The following CACNA2D1 variants were observed in gnomAD, a reference collection of about 807,000 sequenced individuals.
CACNA2D1 encodes the protein voltage-dependent calcium channel subunit alpha-2/delta-1.
CACNA2D1 carries 53 observed loss-of-function variants against 171.5 expected under a neutral mutation model. That is an observed-to-expected ratio of 0.31 (90% CI 0.25 to 0.39). The LOEUF (loss-of-function observed/expected upper bound fraction) is 0.39. CACNA2D1 is among the 10% of genes least tolerant of loss of function. The probability of loss-of-function intolerance (pLI) is 1.00; values close to 1 mark genes in which losing one functional copy is unlikely to be tolerated. For missense variants in CACNA2D1, 903 were observed against 1,299.8 expected (o/e 0.69, Z 4.69); for synonymous variants, 442 against 443.1 (o/e 1.00, Z 0.03).
At chr7:82,434,280 T>C (rs1436003309) in intron 1 of CACNA2D1, among the ~76,000 whole-genome samples, 1 of 152,212 alleles carries the variant, frequency 6.6e-6, no homozygotes, top group East Asian at 1.9e-4. Context: ...GATAGTCCTA[T>C]GGTTTTGTAC....
chr7:82,394,050 G>A (rs1825503742), intron 1 of CACNA2D1, among the ~76,000 whole-genome samples: 1 of 152,070 alleles, frequency 6.6e-6, no homozygotes, highest in Non-Finnish European at 1.5e-5. Flanking sequence ...CTGAGAATAT[G>A]CAATGCAAAT....
intron 3 of CACNA2D1, among the ~76,000 whole-genome samples, chr7:82,202,149 G>A (rs1362739764): frequency 6.6e-6 from 1 of 152,192 alleles, no homozygotes; most frequent in Non-Finnish European, 1.5e-5. Flanking sequence ...ACTTGGCTTG[G>A]AGCCACTATT....
At chr7:82,319,407 T>C (rs193157706) in intron 3 of CACNA2D1, among the ~76,000 whole-genome samples, 5 of 152,162 alleles carry the variant, frequency 3.3e-5, no homozygotes, top group Non-Finnish European at 5.9e-5. Context: ...ATTTGAGAGG[T>C]AGAAATTGAT....
chr7:82,071,287 C>T (rs1399041646), intron 7 of CACNA2D1, among the ~76,000 whole-genome samples: 1 of 152,050 alleles, frequency 6.6e-6, no homozygotes, highest in African/African-American at 2.4e-5. Flanking sequence ...GATGAGCTAA[C>T]CAAGAAACGT....
intron 9 of CACNA2D1, among the ~76,000 whole-genome samples, chr7:82,063,240 G>C (rs1484935265): frequency 1.3e-5 from 2 of 151,970 alleles, no homozygotes; most frequent in African/African-American, 4.8e-5. Flanking sequence ...ACATCCAACA[G>C]GATTATAATA....
chr7:82,280,096 T>A (rs971697239), intron 3 of CACNA2D1, among the ~76,000 whole-genome samples: 1 of 152,102 alleles, frequency 6.6e-6, no homozygotes, highest in Non-Finnish European at 1.5e-5. Context: ...GTAAATCTTG[T>A]GAATCAAAAA....
At chr7:82,056,839 C>T (rs1270378325) in intron 10 of CACNA2D1, among the ~76,000 whole-genome samples, 1 of 152,148 alleles carries the variant, frequency 6.6e-6, no homozygotes, top group African/African-American at 2.4e-5. Flanking sequence ...CTCAGGTTCA[C>T]AAATACTGAC....
chr7:82,160,220 G>A (rs1386317658), intron 4 of CACNA2D1, among the ~76,000 whole-genome samples: 2 of 151,574 alleles, frequency 1.3e-5, no homozygotes, highest in Non-Finnish European at 2.9e-5. Context: ...AATTAGCCAG[G>A]GCAACCTTCA....
chr7:82,290,603 T>C (rs1021083625), intron 3 of CACNA2D1, among the ~76,000 whole-genome samples: 22 of 145,750 alleles, frequency 1.5e-4, no homozygotes, highest in African/African-American at 4.3e-4. Context: ...AAGCCATGAA[T>C]TTTTTTTTTT....
At chr7:81,970,550 T>C in intron 27 of CACNA2D1, 125 bp downstream of exon 27, 2 of 717,958 alleles carry the variant, frequency 2.8e-6, no homozygotes, top group South Asian at 3.0e-5. Flanking sequence ...CTGTAAACAA[T>C]GGCTCCAATG....
chr7:82,260,758 G>GT (rs957902913), intron 3 of CACNA2D1, among the ~76,000 whole-genome samples: 16 of 152,064 alleles, frequency 1.1e-4, no homozygotes, highest in African/African-American at 3.4e-4. Flanking sequence ...AGCAAAGCCT[G>GT]TTTTTAACAA....
chr7:82,142,237 C>G (rs1279684180), intron 4 of CACNA2D1, among the ~76,000 whole-genome samples: 1 of 152,122 alleles, frequency 6.6e-6, no homozygotes, highest in Non-Finnish European at 1.5e-5. Flanking sequence ...TATTTATTAT[C>G]TCCTTGAAAC....
At chr7:82,303,442 T>C (rs1385869080) in intron 3 of CACNA2D1, among the ~76,000 whole-genome samples, 2 of 146,068 alleles carry the variant, frequency 1.4e-5, no homozygotes, top group African/African-American at 2.5e-5. Context: ...TTCTAAACTG[T>C]GTATGTAACT....
intron 38 of CACNA2D1, among the ~76,000 whole-genome samples, chr7:81,957,931 CAAA>C (rs894757229): frequency 6.6e-6 from 1 of 151,906 alleles, no homozygotes. Flanking sequence ...TTTCTAGTGT[CAAA>C]AAACTGGTGA....
rs1023546599 is a variant in CACNA2D1, at chr7:82,396,263, C to T, written c.96-46614G>A. On this transcript the variant is annotated intron_variant, in intron 1 of 38. Coordinates refer to ENST00000356860, the MANE Select transcript of CACNA2D1 (RefSeq NM_000722.4). Reference sequence around the variant, plus strand: ...CTTTGGGAGGCTGAGGCAGGAGGATCGCCTGAGCCCAGGAGTTTGAGACTA... The same window carrying T: ...CTTTGGGAGGCTGAGGCAGGAGGATTGCCTGAGCCCAGGAGTTTGAGACTA... Among the ~76,000 whole-genome samples, 4 of 152,004 alleles carry T rather than the reference C, an allele frequency of 2.6e-5. No homozygotes were observed. The East Asian group carries it at 7.7e-4, about 29-fold the overall frequency.
chr7:82,080,092 T>C lies in CACNA2D1; in HGVS notation c.658+4677A>G, dbSNP rs184774841. Among the ~76,000 whole-genome samples, 397 of 150,516 alleles carry C rather than the reference T, an allele frequency of 2.6e-3. 3 individuals carry two copies. The highest frequency in any genetic ancestry group is 9.3e-3 in the African/African-American group (381 of 41,034). Reference sequence around the variant, plus strand: ...ACGTATATATATGCGTACATATGTATAGATGTGTGTATATATATACATATA... The same window carrying C: ...ACGTATATATATGCGTACATATGTACAGATGTGTGTATATATATACATATA... On this transcript the variant is annotated intron_variant, in intron 7 of 38. Transcript: ENST00000356860.
intron 2 of CACNA2D1, among the ~76,000 whole-genome samples, chr7:82,343,737 T>C (rs1016456867): frequency 5.9e-5 from 9 of 152,146 alleles, no homozygotes; most frequent in African/African-American, 2.2e-4. Flanking sequence ...TGAATACACA[T>C]TTTGGCCAGA....
intron 4 of CACNA2D1, among the ~76,000 whole-genome samples, chr7:82,148,466 G>A (rs1584922229): frequency 6.6e-6 from 1 of 152,156 alleles, no homozygotes; most frequent in Admixed American, 6.5e-5. Context: ...TTATAGGTAG[G>A]AAACAGTGGG....
At chr7:82,090,430 TACAG>T (rs772167014) in intron 6 of CACNA2D1, among the ~76,000 whole-genome samples, 2 of 152,084 alleles carry the variant, frequency 1.3e-5, no homozygotes, top group South Asian at 2.1e-4. Flanking sequence ...CCAAATATCA[TACAG>T]TTAAATAAGA....
Sources: gnomAD v4.1 joint callset for allele counts (sites outside exome capture counted in the v4.1 genomes callset) on GRCh38, gnomAD v4.1.1 for gene constraint, MANE v1.5 for transcripts, NCBI Gene and HGNC (gene_info 2026-07-23, HGNC 2026-07-21) for gene names.